Variants in LRRFIP2 observed in about 807,000 individuals in gnomAD.
LRRFIP2 encodes the protein leucine-rich repeat flightless-interacting protein 2.
In LRRFIP2, 109 loss-of-function variants were observed where a neutral mutation model predicts 125.9. That is an observed-to-expected ratio of 0.87 (90% CI 0.74 to 1.01). The LOEUF (loss-of-function observed/expected upper bound fraction) is 1.01, where lower values mean the gene tolerates loss of function less well. LRRFIP2 is among the 50% of genes least tolerant of loss of function. The pLI is 0.00. For missense variants in LRRFIP2, 850 were observed against 862.3 expected (o/e 0.99, Z 0.18); for synonymous variants, 291 against 293.1 (o/e 0.99, Z 0.07).
chr3:37,165,270 G>A (rs1216872755), intron 1 of LRRFIP2, among the ~76,000 whole-genome samples: 3 of 151,558 alleles, frequency 2.0e-5, no homozygotes, highest in Non-Finnish European at 2.9e-5. Context: ...AAAATGAACT[G>A]TGCATGTGAG....
chr3:37,059,794 A>T lies in LRRFIP2; in HGVS notation c.1750-884T>A, dbSNP rs12489873. On this transcript the variant is annotated intron_variant, in intron 24 of 27. Transcript: ENST00000336686. ...GAGCGAGACTCTGTCTCAAAAAAAA[A>T]AAAAATAATAATAATAATAATTGGA... Among the ~76,000 whole-genome samples the T allele has an allele frequency of 9.4e-3, 684 of 72,724 alleles. 6 individuals are homozygous for T. Among genetic ancestry groups the T allele is most frequent in the East Asian group, 0.032 (140 of 4,440 alleles). 47.7% of individuals were successfully genotyped at this position (72,724 alleles called of 152,430 possible).
intron 2 of LRRFIP2, among the ~76,000 whole-genome samples, chr3:37,134,384 C>T (rs1369825309): frequency 1.3e-5 from 2 of 152,308 alleles, no homozygotes; most frequent in East Asian, 3.9e-4. Context: ...CGAGCCGGTA[C>T]CTCACTGCAT....
chr3:37,109,454 G>T, intron 11 of LRRFIP2, 73 bp downstream of exon 11: 1 of 1,514,786 alleles, frequency 6.6e-7, no homozygotes, highest in Middle Eastern at 1.8e-4. Flanking sequence ...GAGAAAAGCT[G>T]TCAAGCCATA....
intron 16 of LRRFIP2, among the ~76,000 whole-genome samples, chr3:37,096,368 G>GA (rs1394475271): frequency 6.6e-5 from 10 of 152,144 alleles, no homozygotes; most frequent in Non-Finnish European, 1.5e-4. Context: ...CTAGAGGAAT[G>GA]AAAATCAAAA....
intron 1 of LRRFIP2, among the ~76,000 whole-genome samples, chr3:37,167,210 A>AAAAAAAAAAAAAAAG (rs2096514814): frequency 6.7e-6 from 1 of 150,056 alleles, no homozygotes; most frequent in Non-Finnish European, 1.5e-5. Context: ...AAAAAAAAAA[A>AAAAAAAAAAAAAAAG]AAAGAAAGAA....
At chr3:37,058,004 G>A (rs2087409905) in intron 25 of LRRFIP2, among the ~76,000 whole-genome samples, 1 of 152,088 alleles carries the variant, frequency 6.6e-6, no homozygotes, top group Non-Finnish European at 1.5e-5. Context: ...AGATAAACTT[G>A]GATTAACAAA....
At chr3:37,131,248 A>G (rs2095420736) in intron 2 of LRRFIP2, among the ~76,000 whole-genome samples, 1 of 152,102 alleles carries the variant, frequency 6.6e-6, no homozygotes, top group Non-Finnish European at 1.5e-5. Context: ...GCCTCTCTTC[A>G]CAAACTGTTT....
chr3:37,127,413 G>A (rs1382910413), intron 4 of LRRFIP2, among the ~76,000 whole-genome samples: 1 of 152,126 alleles, frequency 6.6e-6, no homozygotes, highest in Non-Finnish European at 1.5e-5. Flanking sequence ...TTGATCAGGA[G>A]CATTCATGAG....
chr3:37,127,733 C>T, intron 3 of LRRFIP2, 53 bp from the exon 4 acceptor site: 1 of 1,379,980 alleles, frequency 7.2e-7, no homozygotes, highest in Non-Finnish European at 1.0e-6. Context: ...ATTGCATTCT[C>T]CAAAAACCTT....
In LRRFIP2 at chr3:37,052,678, C is replaced by G. The variant is rs928057269; in HGVS notation, c.*1173G>C. The stretch of plus-strand genomic sequence containing the variant: ...CACTTTTGAGTTACCTTTTTAAAGT[C>G]TAGTTTTATTATCTTATGTGCCTTT... On this transcript the variant is annotated 3_prime_UTR_variant, in exon 28 of 28. Transcript: ENST00000336686. The G allele has an allele frequency of 2.0e-5, 3 of 152,040 alleles. No individual in the cohort carries two copies. The highest frequency in any genetic ancestry group is 4.8e-5 in the African/African-American group (2 of 41,412). 9.4% of individuals were successfully genotyped at this position (152,040 alleles called of 1,614,324 possible).
At chr3:37,057,571 T>G (rs963245672) in intron 25 of LRRFIP2, among the ~76,000 whole-genome samples, 1 of 151,618 alleles carries the variant, frequency 6.6e-6, no homozygotes, top group African/African-American at 2.4e-5. Flanking sequence ...TTTCACCACA[T>G]TGCCCAGGCT....
chr3:37,174,924 A>T (rs2096636793), upstream of LRRFIP2: 2 of 152,180 alleles, frequency 1.3e-5, no homozygotes, highest in Non-Finnish European at 2.9e-5. Context: ...TATTCTACAT[A>T]TTATAATACT....
intron 1 of LRRFIP2, among the ~76,000 whole-genome samples, chr3:37,151,903 C>A (rs560636455): frequency 1.6e-4 from 24 of 152,190 alleles, no homozygotes; most frequent in Admixed American, 5.2e-4. Context: ...CCAGGCCTGG[C>A]CGGAAGATTT....
chr3:37,057,648 C>T (rs957708789), intron 25 of LRRFIP2, among the ~76,000 whole-genome samples: 2 of 151,870 alleles, frequency 1.3e-5, no homozygotes, highest in Non-Finnish European at 2.9e-5. Flanking sequence ...ATTATGGGTG[C>T]GGGCCACCAC....
intron 23 of LRRFIP2, chr3:37,065,226 A>T (rs768434081): frequency 3.4e-4 from 61 of 181,158 alleles, no homozygotes; most frequent in Admixed American, 6.4e-4. Context: ...TCTCAGACAG[A>T]GGTGTCAGCA....
intron 1 of LRRFIP2, 44 bp from the exon 2 acceptor site, chr3:37,149,082 C>A: frequency 6.7e-7 from 1 of 1,488,564 alleles, no homozygotes; most frequent in Non-Finnish European, 9.0e-7. Context: ...TTTCTTTGTG[C>A]AATTTTCATG....
In LRRFIP2 at chr3:37,121,639, T is replaced by G. The variant is rs752841883; in HGVS notation, c.281A>C (p.Tyr94Ser). The change falls in exon 5 of 28, where the codon TAT (tyrosine) becomes TCT (serine). Residue 94 changes from tyrosine (Y) to serine (S), a missense_variant. Physicochemically the swap from Tyr to Ser is moderately radical, Grantham distance 144 (BLOSUM62 -2). Transcript: ENST00000336686. ...YSHRSSHHRP[Y>S]LGVEDALSIR... ...AGTGTATAGGTTATTACAAACCAGA[T>G]AAGGACGATGGTGACTGGACCGGTG... 4 of 1,614,206 alleles carry G rather than the reference T, an allele frequency of 2.5e-6. 1 individual carries two copies. The South Asian group carries it at 4.4e-5, about 18-fold the overall frequency.
At position 37,075,049 on chromosome 3, in the gene LRRFIP2, A is replaced by C. The variant is rs916396336; in HGVS notation, c.1346T>G (p.Leu449Arg). 1 of 1,612,712 alleles carries C rather than the reference A, an allele frequency of 6.2e-7. No homozygotes were observed. Among genetic ancestry groups the C allele is most frequent in the Non-Finnish European group, 8.5e-7 (1 of 1,179,600 alleles). Residue 449 changes from leucine (L) to arginine (R), a missense_variant, in exon 20 of 28, where the codon CTG becomes CGG. Physicochemically the swap from Leu to Arg is moderately radical, Grantham distance 102 (BLOSUM62 -2). Coordinates refer to ENST00000336686, the MANE Select transcript of LRRFIP2 (RefSeq NM_006309.4). ...CTCAATAAGCTCATCTCTTTGCCGCAGGCCTTCTTTAAGTTCTTCCATCTT... is the reference window on the plus strand; with the variant it reads ...CTCAATAAGCTCATCTCTTTGCCGCCGGCCTTCTTTAAGTTCTTCCATCTT... ...QHKMEELKEG[L>R]RQRDELIEEK...
chr3:37,144,904 A>T (rs1340036258), intron 2 of LRRFIP2, among the ~76,000 whole-genome samples: 1 of 152,234 alleles, frequency 6.6e-6, no homozygotes, highest in Non-Finnish European at 1.5e-5. Flanking sequence ...TGAGAAAGTA[A>T]AACATTCAAA....
Sources: gnomAD v4.1 joint callset for allele counts (sites outside exome capture counted in the v4.1 genomes callset) on GRCh38, gnomAD v4.1.1 for gene constraint, MANE v1.5 for transcripts, NCBI Gene and HGNC (gene_info 2026-07-23, HGNC 2026-07-21) for gene names.